The following GRID2 variants were observed in gnomAD, a reference collection of about 807,000 sequenced individuals.
GRID2 encodes the protein glutamate ionotropic receptor delta type subunit 2, also known as glutamate receptor ionotropic, delta-2.
In GRID2, 33 loss-of-function variants were observed where a neutral mutation model predicts 114.8. That is an observed-to-expected ratio of 0.29 (90% CI 0.22 to 0.38). The LOEUF (loss-of-function observed/expected upper bound fraction) is 0.38. Ranked by LOEUF, GRID2 falls within the 10% of genes least tolerant of loss-of-function variation. The probability of loss-of-function intolerance (pLI) is 1.00; values close to 1 mark genes in which losing one functional copy is unlikely to be tolerated. For synonymous variants in GRID2, 505 were observed against 449.9 expected (o/e 1.12, Z -1.55); for missense variants, 1,184 against 1,257.7 (o/e 0.94, Z 0.89).
At chr4:93,232,847 G>T (rs1346254722) in intron 7 of GRID2, among the ~76,000 whole-genome samples, 2 of 151,724 alleles carry the variant, frequency 1.3e-5, no homozygotes, top group East Asian at 3.9e-4. Flanking sequence ...TTTCTTACAT[G>T]GTAATTTATT....
chr4:92,989,149 C>T (rs1438843439), intron 2 of GRID2, among the ~76,000 whole-genome samples: 3 of 151,552 alleles, frequency 2.0e-5, no homozygotes, highest in East Asian at 2.0e-4. Flanking sequence ...TGGTGGCACA[C>T]GCCTGTAGTC....
At chr4:92,360,045 G>C (rs1728538108) in intron 1 of GRID2, among the ~76,000 whole-genome samples, 1 of 151,922 alleles carries the variant, frequency 6.6e-6, no homozygotes, top group Non-Finnish European at 1.5e-5. Flanking sequence ...TCCCTCTGGA[G>C]ATAAGAAAGA....
intron 13 of GRID2, among the ~76,000 whole-genome samples, chr4:93,595,561 G>A (rs1181401990): frequency 6.6e-6 from 1 of 152,050 alleles, no homozygotes; most frequent in Non-Finnish European, 1.5e-5. Context: ...TCAGTGTCAG[G>A]GATGCAGTAA....
chr4:93,067,948 T>A (rs1339663934), intron 2 of GRID2, among the ~76,000 whole-genome samples: 2 of 152,034 alleles, frequency 1.3e-5, no homozygotes, highest in African/African-American at 2.4e-5. Context: ...ATTTCACCTG[T>A]ATTTGATTAA....
chr4:93,032,354 C>G (rs984196626), intron 2 of GRID2, among the ~76,000 whole-genome samples: 5 of 152,054 alleles, frequency 3.3e-5, no homozygotes, highest in African/African-American at 9.7e-5. Flanking sequence ...TGGGCAGGAT[C>G]ACAAAATTGA....
chr4:92,421,009 T>G (rs933766610), intron 1 of GRID2, among the ~76,000 whole-genome samples: 8 of 152,076 alleles, frequency 5.3e-5, no homozygotes, highest in Admixed American at 5.2e-4. Flanking sequence ...TTTTTTAATG[T>G]AAATTCTCTG....
chr4:92,689,686 C>A (rs1387964720), intron 2 of GRID2, among the ~76,000 whole-genome samples: 1 of 152,186 alleles, frequency 6.6e-6, no homozygotes, highest in Non-Finnish European at 1.5e-5. Context: ...TCTTTAGAAA[C>A]ATTGTCTTCC....
chr4:92,652,016 T>C (rs1176264307), intron 2 of GRID2, among the ~76,000 whole-genome samples: 6 of 152,114 alleles, frequency 3.9e-5, no homozygotes, highest in Admixed American at 3.9e-4. Flanking sequence ...GGACCACTTC[T>C]TCATGTACTT....
intron 2 of GRID2, among the ~76,000 whole-genome samples, chr4:92,870,450 A>G (rs1037708620): frequency 6.6e-6 from 1 of 152,052 alleles, no homozygotes; most frequent in Non-Finnish European, 1.5e-5. Context: ...TGAATAAATG[A>G]ATACTTTGGA....
chr4:93,059,827 T>C lies in GRID2; in HGVS notation c.245-25168T>C, dbSNP rs375736894. On this transcript the variant is annotated intron_variant, in intron 2 of 15. Coordinates refer to ENST00000282020, the MANE Select transcript of GRID2 (RefSeq NM_001510.4). ...GTGATCTTTAAAAAAAAAAAAGTAT[T>C]CTGAGAAGTATGTTTTTAAACTATC... 2.6e-5 allele frequency among the ~76,000 whole-genome samples: 4 copies of C among 152,080 alleles called. 1 individual carries two copies. The highest frequency in any genetic ancestry group is 9.6e-5 in the African/African-American group (4 of 41,542).
intron 1 of GRID2, among the ~76,000 whole-genome samples, chr4:92,375,920 A>G (rs1729333916): frequency 6.6e-6 from 1 of 152,066 alleles, no homozygotes; most frequent in Non-Finnish European, 1.5e-5. Flanking sequence ...GTATTTTATT[A>G]AATTGCTTAC....
chr4:93,700,083 A>T (rs1370940685), intron 14 of GRID2, among the ~76,000 whole-genome samples: 1 of 152,134 alleles, frequency 6.6e-6, no homozygotes, highest in Non-Finnish European at 1.5e-5. Flanking sequence ...TGCTATTTTT[A>T]AAAAATTACC....
intron 2 of GRID2, among the ~76,000 whole-genome samples, chr4:92,675,823 G>T (rs935952662): frequency 6.6e-6 from 1 of 151,980 alleles, no homozygotes; most frequent in South Asian, 2.1e-4. Context: ...CAAAGTGCTG[G>T]GATTACAGGC....
chr4:92,539,277 A>C (rs901260957), intron 1 of GRID2, among the ~76,000 whole-genome samples: 1 of 152,286 alleles, frequency 6.6e-6, no homozygotes, highest in South Asian at 2.1e-4. Flanking sequence ...GTGTTTAACT[A>C]TCTTAAATTT....
At chr4:93,326,588 A>G (rs1257763245) in intron 8 of GRID2, among the ~76,000 whole-genome samples, 1 of 151,590 alleles carries the variant, frequency 6.6e-6, no homozygotes, top group Non-Finnish European at 1.5e-5. Context: ...CCAATTATTC[A>G]TCACTTTTTT....
At chr4:92,573,731 A>G (rs1321441441) in intron 1 of GRID2, among the ~76,000 whole-genome samples, 1 of 152,082 alleles carries the variant, frequency 6.6e-6, no homozygotes, top group Admixed American at 6.6e-5. Flanking sequence ...TTTACTTCCA[A>G]TTATGTGATT....
Position 93,772,562 on chromosome 4 carries a change from A to G in GRID2, c.*64A>G. The G allele has an allele frequency of 8.9e-7, 1 of 1,122,050 alleles. No individual in the cohort carries two copies. 69.5% of individuals were successfully genotyped at this position (1,122,050 alleles called of 1,614,324 possible). ...TCCCTTTGCAAGGAGCAACTGTAAT[A>G]TTGTGGGACTAACATGGATGTAACG... On this transcript the variant is annotated 3_prime_UTR_variant, in exon 16 of 16. Coordinates refer to ENST00000282020, the MANE Select transcript of GRID2 (RefSeq NM_001510.4).
intron 4 of GRID2, among the ~76,000 whole-genome samples, chr4:93,134,440 A>T (rs1735061918): frequency 6.6e-6 from 1 of 152,180 alleles, no homozygotes; most frequent in African/African-American, 2.4e-5. Flanking sequence ...CTGAGTCTAC[A>T]GTCCTAATGG....
intron 4 of GRID2, among the ~76,000 whole-genome samples, chr4:93,151,269 T>C (rs751410210): frequency 6.6e-6 from 1 of 152,096 alleles, no homozygotes; most frequent in Non-Finnish European, 1.5e-5. Context: ...GAGGCTGTCA[T>C]CTGAGGTCTG....
Sources: allele counts gnomAD v4.1 joint callset (sites outside exome capture counted in the v4.1 genomes callset), GRCh38; gene constraint gnomAD v4.1.1; transcripts MANE v1.5; gene names NCBI Gene and HGNC (gene_info 2026-07-23, HGNC 2026-07-21).